Variants in NCOA3 observed in about 807,000 individuals in gnomAD.
NCOA3 encodes nuclear receptor coactivator 3.
Under a neutral mutation model 158.8 loss-of-function variants are expected in NCOA3, and 51 were observed. The ratio of observed to expected loss-of-function variants is 0.32; its 90% confidence interval spans 0.26 to 0.41. The LOEUF is 0.41. Ranked by LOEUF, NCOA3 falls within the 10% of genes least tolerant of loss-of-function variation. The pLI is 1.00. For missense variants in NCOA3, 1,510 were observed against 1,746.6 expected, an observed-to-expected ratio of 0.86 and a Z score of 2.41; for synonymous variants, 537 against 592.4, an observed-to-expected ratio of 0.91 and a Z score of 1.36.
At chr20:47,612,247 A>G (rs534895802) in intron 2 of NCOA3, among the ~76,000 whole-genome samples, 1 of 152,162 alleles carries the variant, frequency 6.6e-6, no homozygotes, top group African/African-American at 2.4e-5. Context: ...AAAAGAGAAG[A>G]GGAATGGTGG....
chr20:47,623,929 A>G lies in NCOA3; in HGVS notation c.102A>G (p.Glu34=). The change falls in exon 4 of 23, where the codon GAA becomes GAG. Residue 34 remains glutamate (E), a synonymous_variant. Transcript: ENST00000371998. ...TPGQGLTCSG[E]KRRREQESKY... ...CCCTTAGTCTTACCTGCAGTGGTGA[A>G]AAACGGAGACGGGAGCAGGAAAGTA... is the stretch of plus-strand genomic sequence containing the variant. 1 of 1,613,378 alleles carries G rather than the reference A, an allele frequency of 6.2e-7. No homozygotes were observed. The highest frequency in any genetic ancestry group is 8.5e-7 in the Non-Finnish European group (1 of 1,179,864).
intron 1 of NCOA3, among the ~76,000 whole-genome samples, chr20:47,502,669 A>T (rs909001225): frequency 1.3e-5 from 2 of 149,618 alleles, no homozygotes; most frequent in Non-Finnish European, 3.0e-5. Flanking sequence ...AAGTTGGTTG[A>T]TAAAATTAGG....
intron 2 of NCOA3, among the ~76,000 whole-genome samples, chr20:47,619,036 G>T (rs1473679241): frequency 1.3e-5 from 2 of 152,188 alleles, no homozygotes; most frequent in African/African-American, 2.4e-5. Context: ...GATTGTTATA[G>T]ATCAGAATAA....
At chr20:47,529,120 T>A (rs749774442) in intron 1 of NCOA3, among the ~76,000 whole-genome samples, 1 of 151,594 alleles carries the variant, frequency 6.6e-6, no homozygotes, top group Non-Finnish European at 1.5e-5. Context: ...ATTTATTTAT[T>A]TAAAAAAATT....
At chr20:47,519,815 T>G (rs566632855) in intron 1 of NCOA3, among the ~76,000 whole-genome samples, 51 of 151,470 alleles carry the variant, frequency 3.4e-4, no homozygotes, top group Admixed American at 1.6e-3. Context: ...CAAGCTGGAG[T>G]GCAATGGCAC....
chr20:47,545,851 A>G (rs918765120), intron 1 of NCOA3, among the ~76,000 whole-genome samples: 1 of 151,638 alleles, frequency 6.6e-6, no homozygotes, highest in Non-Finnish European at 1.5e-5. Context: ...AATAGCTAGG[A>G]CTATAGGGGC....
At chr20:47,511,560 T>TATATATATATATATATATACACATATA (rs1569310982) in intron 1 of NCOA3, among the ~76,000 whole-genome samples, 1 of 5,518 alleles carries the variant, frequency 1.8e-4, no homozygotes, top group Non-Finnish European at 1.3e-3. Flanking sequence ...TATATATTTC[T>TATATATATATATATATATACACATATA]TTTTTTTTTT....
rs764026511 is a variant in NCOA3, at chr20:47,651,086, GCAGCAA to G, written c.3762_3767del (p.Gln1275_Gln1276del). 2.1e-4 allele frequency: 299 copies of G among 1,396,282 alleles called. No individual in the cohort carries two copies. In the East Asian group the frequency reaches 3.7e-3, roughly 17 times the overall value. 86.5% of individuals were successfully genotyped at this position (1,396,282 alleles called of 1,614,324 possible). A position where few individuals can be genotyped will look rare whatever the true frequency, so the allele number is the denominator to read the frequency against. Reference sequence around the variant, plus strand: ...CTATGATGATGCAGCAGCAGCAGCAGCAGCAACAGCAGCAGCAGCAGCAGCAGCAGC... The same window carrying G: ...CTATGATGATGCAGCAGCAGCAGCAGCAGCAGCAGCAGCAGCAGCAGCAGC... On this transcript the variant is annotated inframe_deletion, in exon 20 of 23. Coordinates refer to ENST00000371998, the MANE Select transcript of NCOA3 (RefSeq NM_181659.3).
intron 1 of NCOA3, among the ~76,000 whole-genome samples, chr20:47,543,322 G>C (rs551583514): frequency 1.3e-5 from 2 of 152,090 alleles, no homozygotes; most frequent in African/African-American, 4.8e-5. Context: ...GTATGGGAGG[G>C]GACTGCTTAA....
intron 1 of NCOA3, among the ~76,000 whole-genome samples, chr20:47,531,709 C>T (rs1014638262): frequency 6.6e-6 from 1 of 152,162 alleles, no homozygotes; most frequent in Non-Finnish European, 1.5e-5. Flanking sequence ...TTCCCCTTCT[C>T]AGCTTTCCTC....
chr20:47,515,091 A>G (rs1374966930), intron 1 of NCOA3, among the ~76,000 whole-genome samples: 1 of 152,030 alleles, frequency 6.6e-6, no homozygotes, highest in East Asian at 1.9e-4. Flanking sequence ...GATATAATGT[A>G]TATTAAGCAT....
intron 18 of NCOA3, 35 bp downstream of exon 18, chr20:47,647,401 C>T (rs2086706470): frequency 6.3e-7 from 1 of 1,590,042 alleles, no homozygotes; most frequent in Non-Finnish European, 8.6e-7. Flanking sequence ...CTGGCTTCTC[C>T]TTCTGTTGTT....
At chr20:47,558,235 T>C (rs1295089027) in intron 1 of NCOA3, among the ~76,000 whole-genome samples, 1 of 92,090 alleles carries the variant, frequency 1.1e-5, no homozygotes, top group Non-Finnish European at 2.3e-5. Flanking sequence ...ATTTTGTATT[T>C]TTTTTTTTTT....
intron 2 of NCOA3, among the ~76,000 whole-genome samples, chr20:47,593,268 C>T (rs1023521588): frequency 2.0e-5 from 3 of 151,214 alleles, no homozygotes; most frequent in Admixed American, 6.6e-5. Flanking sequence ...TTTGGAATCC[C>T]AGACTGCGGT....
intron 1 of NCOA3, among the ~76,000 whole-genome samples, chr20:47,545,510 C>T (rs936979989): frequency 3.3e-5 from 5 of 151,996 alleles, no homozygotes; most frequent in Non-Finnish European, 7.4e-5. Context: ...TGGTCTGACA[C>T]ATTTTTCCTT....
At chr20:47,609,404 A>G (rs1253752978) in intron 2 of NCOA3, among the ~76,000 whole-genome samples, 1 of 152,188 alleles carries the variant, frequency 6.6e-6, no homozygotes, top group Non-Finnish European at 1.5e-5. Context: ...CTTGCCTCAG[A>G]TATTCTCTAA....
chr20:47,602,523 C>T (rs921890140), intron 2 of NCOA3, among the ~76,000 whole-genome samples: 2 of 152,192 alleles, frequency 1.3e-5, no homozygotes, highest in African/African-American at 4.8e-5. Context: ...GTATAGGTTT[C>T]AGATACTGTG....
At chr20:47,620,159 C>T (rs1330559467) in intron 2 of NCOA3, among the ~76,000 whole-genome samples, 1 of 152,194 alleles carries the variant, frequency 6.6e-6, no homozygotes, top group African/African-American at 2.4e-5. Context: ...GTCACCCAGT[C>T]TGGAGTGCAT....
chr20:47,537,281 T>A (rs2084649432), intron 1 of NCOA3, among the ~76,000 whole-genome samples: 1 of 152,142 alleles, frequency 6.6e-6, no homozygotes, highest in Non-Finnish European at 1.5e-5. Flanking sequence ...TCAGTTACGT[T>A]CTTTACTTGT....
Sources: allele counts gnomAD v4.1 joint callset (sites outside exome capture counted in the v4.1 genomes callset), GRCh38; gene constraint gnomAD v4.1.1; transcripts MANE v1.5; gene names NCBI Gene and HGNC (gene_info 2026-07-23, HGNC 2026-07-21).